Variants in RNF24 observed in about 807,000 individuals in gnomAD.
The protein encoded by RNF24 is ring finger protein 24.
A neutral mutation model predicts 20.0 loss-of-function variants in RNF24; 14 were observed. That is an observed-to-expected ratio of 0.70 (90% CI 0.46 to 1.10). The LOEUF is 1.10. Ranked by LOEUF, RNF24 falls within the 50% of genes least tolerant of loss-of-function variation. The probability of loss-of-function intolerance (pLI) is 0.00; values close to 1 mark genes in which losing one functional copy is unlikely to be tolerated. For missense variants in RNF24, 124 were observed against 177.6 expected (o/e 0.70, Z 1.71); for synonymous variants, 45 against 61.1 (o/e 0.74, Z 1.23).
chr20:3,979,504 G>A (rs1042691899), intron 1 of RNF24, among the ~76,000 whole-genome samples: 49 of 151,914 alleles, frequency 3.2e-4, no homozygotes, highest in African/African-American at 1.1e-3. Flanking sequence ...GTGAAACCCC[G>A]TCTCTACTAA....
In RNF24 at chr20:3,964,670, G is replaced by A. The variant is rs58961141; in HGVS notation, c.-7-646C>T. On this transcript the variant is annotated intron_variant, in intron 1 of 5. Coordinates refer to ENST00000358395, the MANE Select transcript of RNF24 (RefSeq NM_001134337.3). ...CCCAAATAGCTAGGACTACAGGCGC[G>A]TGCCACCACACCTAGCTAATTTTTA... 4.8e-3 allele frequency among the ~76,000 whole-genome samples: 723 copies of A among 152,170 alleles called. 7 individuals carry two copies. Among genetic ancestry groups the A allele is most frequent in the African/African-American group, 0.017 (692 of 41,508 alleles).
At chr20:3,938,064 C>T (rs1274040125) in intron 4 of RNF24, among the ~76,000 whole-genome samples, 4 of 152,202 alleles carry the variant, frequency 2.6e-5, no homozygotes, top group African/African-American at 4.8e-5. Context: ...CACCATTTTA[C>T]GTTCCTACCA....
rs1293987663 is a variant in RNF24, at chr20:3,942,873, A to G, written c.228+2304T>C. Among the ~76,000 whole-genome samples, 7 of 150,746 alleles carry G rather than the reference A, an allele frequency of 4.6e-5. No homozygotes were observed. The South Asian group carries it at 1.0e-3, about 23-fold the overall frequency. On this transcript the variant is annotated intron_variant, in intron 4 of 5. Coordinates refer to ENST00000358395, the MANE Select transcript of RNF24 (RefSeq NM_001134337.3). ...TTCTTGTTGCCCATGCTGGCGTGCA[A>G]TGGCACGATCTCAGCTCACTGCAAC...
chr20:3,941,863 G>A (rs553711028), intron 4 of RNF24, among the ~76,000 whole-genome samples: 7 of 152,100 alleles, frequency 4.6e-5, no homozygotes, highest in Admixed American at 2.6e-4. Flanking sequence ...CACCTGAGGT[G>A]AGGAGTTCAA....
chr20:3,970,071 C>G (rs929687494), intron 1 of RNF24, among the ~76,000 whole-genome samples: 1 of 152,104 alleles, frequency 6.6e-6, no homozygotes, highest in Non-Finnish European at 1.5e-5. Context: ...CTACCCCTAT[C>G]CAGCAGTAAC....
At chr20:3,935,482 G>T (rs2090879634) in intron 4 of RNF24, among the ~76,000 whole-genome samples, 1 of 152,222 alleles carries the variant, frequency 6.6e-6, no homozygotes, top group Non-Finnish European at 1.5e-5. Context: ...AGCACTCACT[G>T]AAAGGGACCG....
At chr20:4,013,078 AATTGAT>A (rs1322083030) in intron 1 of RNF24, among the ~76,000 whole-genome samples, 2 of 152,052 alleles carry the variant, frequency 1.3e-5, no homozygotes, top group Non-Finnish European at 2.9e-5. Context: ...GAATTAAATT[AATTGAT>A]ATTAAGATTT....
chr20:3,975,099 C>A (rs1284470752), intron 1 of RNF24, among the ~76,000 whole-genome samples: 1 of 152,096 alleles, frequency 6.6e-6, no homozygotes, highest in Non-Finnish European at 1.5e-5. Flanking sequence ...CAGAAATAGA[C>A]CCACACAAAT....
intron 1 of RNF24, among the ~76,000 whole-genome samples, chr20:4,008,383 ATATATATTATATATGTAATATG>A (rs1406944742): frequency 6.3e-5 from 1 of 15,966 alleles, no homozygotes; most frequent in African/African-American, 2.4e-4. Flanking sequence ...TATATATAAT[ATATATATTATATATGTAATATG>A]TATAATATAT....
At chr20:3,936,399 G>A (rs1034311157) in intron 4 of RNF24, among the ~76,000 whole-genome samples, 3 of 152,132 alleles carry the variant, frequency 2.0e-5, no homozygotes, top group Admixed American at 6.5e-5. Flanking sequence ...CCCTACACAC[G>A]GCTGTCATCA....
chr20:4,004,709 G>C (rs908062152), intron 1 of RNF24, among the ~76,000 whole-genome samples: 4 of 152,180 alleles, frequency 2.6e-5, no homozygotes, highest in Non-Finnish European at 5.9e-5. Flanking sequence ...AGAGTCTTTG[G>C]AGGGAGCACA....
intron 1 of RNF24, among the ~76,000 whole-genome samples, chr20:4,011,804 C>T (rs73590404): frequency 0.025 from 3,850 of 152,292 alleles, 155 homozygotes; most frequent in African/African-American, 0.088. Context: ...ACCGACCTAA[C>T]TGTCAAGTAT....
rs760071792 is a variant in RNF24 at position 3,934,180 on chromosome 20, C to A, written c.330G>T (p.Glu110Asp). The A allele has an allele frequency of 1.9e-6, 3 of 1,607,134 alleles. No homozygotes were observed. Among genetic ancestry groups the A allele is most frequent in the Non-Finnish European group, 2.5e-6 (3 of 1,176,512 alleles). The change falls in exon 6 of 6, where the codon GAG becomes GAT. Residue 110 changes from glutamate (E) to aspartate (D), a missense_variant. Glu to Asp is a conservative substitution (Grantham distance 45, BLOSUM62 2). Transcript: ENST00000358395. This position sits in a 1 kb window ranked among gnomAD's most constrained non-coding sequence, Gnocchi z 4.0. ...TGCACAGGGGACACACTTTACGAAC[C>A]TCCAGCCACTTAATAAGGCACCTGC... ...FHRKCLIKWLEVRKVCPLCNM... is the reference protein window; with the variant it reads ...FHRKCLIKWLDVRKVCPLCNM...
At chr20:3,948,491 A>G (rs1051530436) in intron 2 of RNF24, among the ~76,000 whole-genome samples, 8 of 152,196 alleles carry the variant, frequency 5.3e-5, no homozygotes, top group African/African-American at 1.9e-4. Context: ...ACCCAAACGT[A>G]AGATGACTCA....
At chr20:3,947,102 G>A (rs1479530101) in intron 3 of RNF24, among the ~76,000 whole-genome samples, 1 of 152,194 alleles carries the variant, frequency 6.6e-6, no homozygotes, top group Admixed American at 6.5e-5. Context: ...GGCTGAGGCA[G>A]GAGATCACTT....
At chr20:3,998,617 G>C (rs1352762359) in intron 1 of RNF24, among the ~76,000 whole-genome samples, 2 of 149,150 alleles carry the variant, frequency 1.3e-5, no homozygotes, top group African/African-American at 5.0e-5. Context: ...TTAGCCGGGC[G>C]TGGTGGCGTG....
chr20:3,930,121 A>T lies in RNF24; in HGVS notation c.*3942T>A, dbSNP rs1369294437. 2 of 152,262 alleles carry T rather than the reference A, an allele frequency of 1.3e-5. No homozygotes were observed. The allele number at this position is 152,262 out of a possible 1,614,324, so 9.4% of individuals were successfully genotyped here. On this transcript the variant is annotated 3_prime_UTR_variant, in exon 6 of 6. Coordinates refer to ENST00000358395, the MANE Select transcript of RNF24 (RefSeq NM_001134337.3). Reference sequence around the variant, plus strand: ...ACCAATAGTAGGTATTCATGGAGTGAGGAGCGGAGCTTGCTAGGCATCAGG... The same window carrying T: ...ACCAATAGTAGGTATTCATGGAGTGTGGAGCGGAGCTTGCTAGGCATCAGG...
intron 1 of RNF24, among the ~76,000 whole-genome samples, chr20:3,990,895 T>A (rs1460344241): frequency 1.2e-4 from 16 of 135,416 alleles, no homozygotes; most frequent in Admixed American, 1.5e-4. Context: ...AAAAAAAAAA[T>A]GTAGATTTGG....
chr20:3,994,204 G>A (rs1005538831), intron 1 of RNF24, among the ~76,000 whole-genome samples: 7 of 152,296 alleles, frequency 4.6e-5, no homozygotes, highest in African/African-American at 1.7e-4. Flanking sequence ...CTAGGTCTAT[G>A]AGATAATCAA....
Sources: gnomAD v4.1 joint callset for allele counts (sites outside exome capture counted in the v4.1 genomes callset) on GRCh38, gnomAD v4.1.1 for gene constraint, Gnocchi (gnomAD v3.1) non-coding constraint, MANE v1.5 for transcripts, NCBI Gene and HGNC (gene_info 2026-07-23, HGNC 2026-07-21) for gene names.